PTBP3: variants seen among roughly 807,000 people sequenced by gnomAD.
The protein encoded by PTBP3 is polypyrimidine tract binding protein 3.
Under a neutral mutation model 58.7 loss-of-function variants are expected in PTBP3, and 20 were observed. The observed-to-expected ratio is 0.34, with a 90% CI of 0.24 to 0.50. The LOEUF is 0.50. Ranked by LOEUF, PTBP3 falls within the 20% of genes least tolerant of loss-of-function variation. The pLI is 0.98. For synonymous variants in PTBP3, 185 were observed against 219.8 expected (o/e 0.84, Z 1.40); for missense variants, 509 against 637.2 (o/e 0.80, Z 2.17).
chr9:112,316,055 T>A (rs984970972), intron 1 of PTBP3, among the ~76,000 whole-genome samples: 31 of 152,326 alleles, frequency 2.0e-4, no homozygotes, highest in African/African-American at 7.5e-4. Context: ...TTGTTAACAA[T>A]GGTAACTCTC....
chr9:112,238,331 C>T (rs1014745537), intron 7 of PTBP3, among the ~76,000 whole-genome samples: 2 of 151,972 alleles, frequency 1.3e-5, no homozygotes, highest in Non-Finnish European at 2.9e-5. Flanking sequence ...ACAGATTTAA[C>T]GACAATTAAA....
chr9:112,338,677 C>G, the PTBP3 span, among the ~76,000 whole-genome samples: 1 of 152,228 alleles, frequency 6.6e-6, no homozygotes, highest in Non-Finnish European at 1.5e-5. Context: ...CTGACCGACT[C>G]TGCCCAGTCT....
At chr9:112,297,074 T>C (rs1828719438) in intron 2 of PTBP3, among the ~76,000 whole-genome samples, 1 of 152,236 alleles carries the variant, frequency 6.6e-6, no homozygotes, top group South Asian at 2.1e-4. Flanking sequence ...TTCAATTCAC[T>C]TTACGGCCAC....
At chr9:112,341,605 T>C in the PTBP3 span, among the ~76,000 whole-genome samples, 1 of 152,174 alleles carries the variant, frequency 6.6e-6, no homozygotes, top group Non-Finnish European at 1.5e-5. Context: ...ACAAATCTCA[T>C]CTCAGCTTTT....
At chr9:112,245,258 C>T (rs1835831742) in intron 7 of PTBP3, among the ~76,000 whole-genome samples, 1 of 152,146 alleles carries the variant, frequency 6.6e-6, no homozygotes, top group African/African-American at 2.4e-5. Context: ...TGCAGCGAGC[C>T]CAGATTGTAC....
At chr9:112,332,801 T>C in intron 1 of PTBP3, 9 of 1,612,568 alleles carry the variant, frequency 5.6e-6, no homozygotes, top group Non-Finnish European at 6.8e-6. Flanking sequence ...GATAATTCAT[T>C]AAGTTTCTTG....
At chr9:112,349,293 C>T in the PTBP3 span, among the ~76,000 whole-genome samples, 1 of 152,160 alleles carries the variant, frequency 6.6e-6, no homozygotes, top group Non-Finnish European at 1.5e-5. Context: ...TTCTGTACCA[C>T]CACTCCTCAT....
At chr9:112,378,727 T>C in the PTBP3 span, among the ~76,000 whole-genome samples, 2 of 152,238 alleles carry the variant, frequency 1.3e-5, no homozygotes, top group African/African-American at 2.4e-5. Flanking sequence ...CTTGTCCTTT[T>C]TGAGCTGCTG....
At chr9:112,349,448 C>T in the PTBP3 span, among the ~76,000 whole-genome samples, 8 of 152,096 alleles carry the variant, frequency 5.3e-5, no homozygotes, top group Non-Finnish European at 1.2e-4. Context: ...ACAGGAACCC[C>T]CCAATTATTA....
intron 1 of PTBP3, among the ~76,000 whole-genome samples, chr9:112,312,981 C>A (rs1476087192): frequency 2.0e-5 from 3 of 151,642 alleles, no homozygotes; most frequent in Non-Finnish European, 2.9e-5. Context: ...GAGGTCAAGG[C>A]TGCAGTGAGC....
the PTBP3 span, chr9:112,379,865 T>TCGGTG: frequency 5.6e-6 from 3 of 532,540 alleles, no homozygotes; most frequent in Admixed American, 3.8e-5. Flanking sequence ...GGAGCCTGAT[T>TCGGTG]GTCACCGTAC....
At chr9:112,330,381 G>A in intron 1 of PTBP3, 1 of 1,247,344 alleles carries the variant, frequency 8.0e-7, no homozygotes, top group Non-Finnish European at 1.1e-6. Context: ...GAACAGGTGA[G>A]ACTGAAAATA....
intron 4 of PTBP3, among the ~76,000 whole-genome samples, chr9:112,264,005 G>C (rs1836701034): frequency 6.6e-6 from 1 of 151,944 alleles, no homozygotes; most frequent in Non-Finnish European, 1.5e-5. Flanking sequence ...TGTGTCTGAT[G>C]CTAAAAATTA....
At position 112,323,081 on chromosome 9, in the gene PTBP3, C is replaced by G. The variant is rs889086901; in HGVS notation, c.-52+10389G>C. On this transcript the variant is annotated intron_variant, in intron 1 of 13. Transcript: ENST00000374257. Reference sequence around the variant, plus strand: ...TCAGCAACATAGAGAAACCCAGTCTCCACAAAAAAAATTGTTTAAAATTAG... The same window carrying G: ...TCAGCAACATAGAGAAACCCAGTCTGCACAAAAAAAATTGTTTAAAATTAG... 2.6e-5 allele frequency among the ~76,000 whole-genome samples: 4 copies of G among 152,286 alleles called. No homozygotes were observed. In the Middle Eastern group the frequency reaches 0.01, roughly 388 times the overall value.
rs768160318 is a variant in PTBP3 at position 112,297,915 on chromosome 9, C to T, written c.-50G>A. On this transcript the variant is annotated splice_region_variant and 5_prime_UTR_variant, in exon 2 of 14. Transcript: ENST00000374257. ...AGAAGAAAGAAGCTCATCAGATCCC[C>T]GCTGAAAAGCAAAACCAATGTTTGG... 3 of 1,608,256 alleles carry T rather than the reference C, an allele frequency of 1.9e-6. No individual in the cohort carries two copies. Among genetic ancestry groups the T allele is most frequent in the Middle Eastern group, 1.7e-4 (1 of 6,028 alleles).
chr9:112,293,751 C>T (rs1828546972), intron 2 of PTBP3, among the ~76,000 whole-genome samples: 1 of 152,180 alleles, frequency 6.6e-6, no homozygotes, highest in Non-Finnish European at 1.5e-5. Flanking sequence ...AGTTCAGCTT[C>T]AACTGTCCTT....
Position 112,218,832 on chromosome 9 carries a change from A to T in PTBP3, c.*5019T>A, listed in dbSNP as rs552174247. The T allele has an allele frequency of 1.3e-5, 2 of 152,608 alleles. No homozygotes were observed. The highest frequency in any genetic ancestry group is 6.5e-5 in the Admixed American group (1 of 15,282). The allele number at this position is 152,608 out of a possible 1,614,324, so 9.5% of individuals were successfully genotyped here. On this transcript the variant is annotated 3_prime_UTR_variant, in exon 14 of 14. Coordinates refer to ENST00000374257, the MANE Select transcript of PTBP3 (RefSeq NM_001163788.4). ...TTCTTTTTTGGCCTTGTTAAAAAAAATGTTGTTACAAATATTTACAGCATT... is the reference window on the plus strand; with the variant it reads ...TTCTTTTTTGGCCTTGTTAAAAAAATTGTTGTTACAAATATTTACAGCATT...
At chr9:112,333,138 G>C (rs1275169258) in intron 1 of PTBP3, 5 of 1,249,274 alleles carry the variant, frequency 4.0e-6, no homozygotes, top group Non-Finnish European at 4.0e-6. Context: ...GGCCGAGCTG[G>C]GCTCCCCGGA....
chr9:112,377,359 AAAC>A, the PTBP3 span, among the ~76,000 whole-genome samples: 1 of 152,200 alleles, frequency 6.6e-6, no homozygotes, highest in African/African-American at 2.4e-5. Context: ...CAAAAAAACA[AAAC>A]AAAACGAAAC....
Sources: allele counts gnomAD v4.1 joint callset (sites outside exome capture counted in the v4.1 genomes callset), GRCh38; gene constraint gnomAD v4.1.1; transcripts MANE v1.5; gene names NCBI Gene and HGNC (gene_info 2026-07-23, HGNC 2026-07-21).